Variants in MXRA5 observed in about 807,000 individuals in gnomAD.
MXRA5 encodes the protein matrix-remodeling-associated protein 5.
MXRA5 carries 41 observed loss-of-function variants against 112.5 expected under a neutral mutation model. The observed-to-expected ratio is 0.36, with a 90% CI of 0.28 to 0.47. The LOEUF (loss-of-function observed/expected upper bound fraction) is 0.47, where lower values mean the gene tolerates loss of function less well. MXRA5 is among the 20% of genes least tolerant of loss of function. The probability of loss-of-function intolerance (pLI) is 0.99; values close to 1 mark genes in which losing one functional copy is unlikely to be tolerated. For missense variants in MXRA5, 2,150 were observed against 2,251.0 expected (o/e 0.96, Z 0.91); for synonymous variants, 862 against 900.8 (o/e 0.96, Z 0.77).
chrX:3,325,278 T>A (rs1195052183), intron 4 of MXRA5, among the ~76,000 whole-genome samples: 1 of 110,966 alleles, frequency 9.0e-6, no homozygotes, highest in Non-Finnish European at 1.9e-5. Flanking sequence ...GAAAACAACT[T>A]CATTCACATA....
intron 2 of MXRA5, among the ~76,000 whole-genome samples, chrX:3,341,089 AAT>A (rs1237256941): frequency 2.1e-5 from 1 of 48,762 alleles, no homozygotes; most frequent in Admixed American, 3.4e-4. Context: ...TATTATACAT[AAT>A]ATGTTATACA....
chrX:3,317,701 T>C lies in MXRA5; in HGVS notation c.5980A>G (p.Thr1994Ala). 1 of 1,203,409 alleles carries C rather than the reference T, an allele frequency of 8.3e-7. No homozygotes were observed. Among genetic ancestry groups the C allele is most frequent in the Admixed American group, 2.2e-5 (1 of 45,693 alleles). ...ATGCGGCCCTCCACGGGGGACACAG[T>C]TTGCCACACCCTCCTGTCAGGGAAG... ...WIFPDRRVWQ[T>A]VSPVEGRITL... Residue 1994 changes from threonine (T) to alanine (A), a missense_variant, in exon 6 of 7, where the codon ACT (threonine) becomes GCT (alanine). Thr to Ala is a moderately conservative substitution (Grantham distance 58). Coordinates refer to ENST00000217939, the MANE Select transcript of MXRA5 (RefSeq NM_015419.4).
chrX:3,326,946 T>C (rs1389605404), intron 4 of MXRA5, among the ~76,000 whole-genome samples: 2 of 111,884 alleles, frequency 1.8e-5, no homozygotes, highest in Non-Finnish European at 3.8e-5. Flanking sequence ...GACATGTCTA[T>C]TTAGATAGCA....
In MXRA5 at chrX:3,310,791, A is replaced by G; in HGVS notation, c.7412T>C (p.Ile2471Thr). 8.3e-7 allele frequency: 1 copy of G among 1,208,320 alleles called. No homozygotes were observed. Among genetic ancestry groups the G allele is most frequent in the Non-Finnish European group, 1.1e-6 (1 of 894,037 alleles). ...RKLIDCKAEG[I>T]PTPRVLWAFP... ...AGCCCATAACACCCTCGGGGTGGGG[A>G]TGCCTTCAGCTTTGCAGTCAATCAG... The change falls in exon 7 of 7, where the codon ATC (isoleucine) becomes ACC (threonine). Residue 2471 changes from isoleucine (I) to threonine (T), a missense_variant. By Grantham distance (89) the Ile-to-Thr change is moderately conservative. Transcript: ENST00000217939.
intron 2 of MXRA5, among the ~76,000 whole-genome samples, chrX:3,341,145 CATATATT>C (rs1320412108): frequency 0.023 from 155 of 6,827 alleles, 6 homozygotes; most frequent in African/African-American, 0.036. Context: ...ATATATTATA[CATATATT>C]ATATATTATA....
In MXRA5 at chrX:3,323,715, T is replaced by G; in HGVS notation, c.1970A>C (p.Gln657Pro). The G allele has an allele frequency of 8.3e-7, 1 of 1,211,461 alleles. No homozygotes were observed. Among genetic ancestry groups the G allele is most frequent in the Non-Finnish European group, 1.1e-6 (1 of 895,194 alleles). ...TCCCACCGTAAAATGGTCTGCCCCT[T>G]GCTGGTTGACAGCCACACATCTGTA... ...GYYRCVAVNQ[Q>P]GADHFTVGIT... Residue 657 changes from glutamine to proline, a missense_variant, in exon 5 of 7, where the codon CAA (glutamine) becomes CCA (proline). Transcript: ENST00000217939.
Position 3,343,628 on chromosome X carries a change from G to C in MXRA5, c.188+18C>G. On this transcript the variant is annotated intron_variant, in intron 2 of 6. Coordinates refer to ENST00000217939, the MANE Select transcript of MXRA5 (RefSeq NM_015419.4). Reference sequence around the variant, plus strand: ...ACGCACTGACAGTGGGAAGGTTCGGGAAGAAAGTGGTACAAACCCCAAATT... The same window carrying C: ...ACGCACTGACAGTGGGAAGGTTCGGCAAGAAAGTGGTACAAACCCCAAATT... The C allele has an allele frequency of 8.3e-7, 1 of 1,201,278 alleles. No homozygotes were observed. The highest frequency in any genetic ancestry group is 1.8e-5 in the South Asian group (1 of 56,243).
rs749919182 is a variant in MXRA5, at chrX:3,343,550, C to T, written c.188+96G>A. On this transcript the variant is annotated intron_variant, in intron 2 of 6. Transcript: ENST00000217939. ...GACAGAGCTACACAGAGGAAATGCA[C>T]ATATGAAGTTAAGTAAATGCACATA... 3.2e-5 allele frequency: 26 copies of T among 815,775 alleles called. 1 individual carries two copies. In the South Asian group the frequency reaches 6.5e-4, roughly 20 times the overall value. 67.2% of individuals were successfully genotyped at this position (815,775 alleles called of 1,213,427 possible). A position where few individuals can be genotyped will look rare whatever the true frequency, so the allele number is the denominator to read the frequency against.
rs200929555 is a variant in MXRA5, at chrX:3,321,371, A to G, written c.4314T>C (p.Gly1438=). The change falls in exon 5 of 7, where the codon GGT becomes GGC. Residue 1438 remains glycine, a synonymous_variant. Transcript: ENST00000217939. ...VSTPFHQEEA[G]SSTTLSSIKV... The stretch of plus-strand genomic sequence containing the variant: ...TTATGCTTGAGAGAGTTGTGGAAGA[A>G]CCAGCTTCTTCCTGGTGAAATGGTG... 249 of 1,210,140 alleles carry G rather than the reference A, an allele frequency of 2.1e-4. 1 individual carries two copies. In the East Asian group the frequency reaches 5.6e-3, roughly 27 times the overall value.
chrX:3,330,032 T>A lies in MXRA5; in HGVS notation c.695A>T (p.Asp232Val). Residue 232 changes from aspartate to valine, a missense_variant, in exon 4 of 7, where the codon GAT (aspartate) becomes GTT (valine). Physicochemically the swap from Asp to Val is radical, Grantham distance 152. Transcript: ENST00000217939. ...TCTCTTCTTACCTCTGGATTTTGCATCCCATTCCAAAAACCATCTCATCTC... is the reference window on the plus strand; with the variant it reads ...TCTCTTCTTACCTCTGGATTTTGCAACCCATTCCAAAAACCATCTCATCTC... Reference protein sequence around the residue: ...DCEMRWFLEWDAKSRGILKCK... With the variant: ...DCEMRWFLEWVAKSRGILKCK... The A allele has an allele frequency of 8.3e-7, 1 of 1,210,235 alleles. No homozygotes were observed. The highest frequency in any genetic ancestry group is 1.1e-6 in the Non-Finnish European group (1 of 895,043).
intron 5 of MXRA5, among the ~76,000 whole-genome samples, chrX:3,318,668 C>T (rs190187491): frequency 1.8e-5 from 2 of 111,752 alleles, no homozygotes; most frequent in East Asian, 5.6e-4. Flanking sequence ...TATGGTCTAG[C>T]AATCCCACTA....
intron 6 of MXRA5, among the ~76,000 whole-genome samples, chrX:3,314,567 GGATGGATAGGTTAGGTAGATA>G (rs1465561476): frequency 8.9e-6 from 1 of 112,066 alleles, no homozygotes; most frequent in African/African-American, 3.2e-5. Flanking sequence ...AAGAATGAAT[GGATGGATAGGTTAGGTAGATA>G]GACATGGATG....
chrX:3,316,966 G>A lies in MXRA5; in HGVS notation c.6578+137C>T, dbSNP rs1921152235. On this transcript the variant is annotated intron_variant, in intron 6 of 6. Coordinates refer to ENST00000217939, the MANE Select transcript of MXRA5 (RefSeq NM_015419.4). Reference sequence around the variant, plus strand: ...GCTGGGATTACAGGCGTGAGCCACCGTGCCCTGCTAATTAATTTCATTTAA... The same window carrying A: ...GCTGGGATTACAGGCGTGAGCCACCATGCCCTGCTAATTAATTTCATTTAA... The A allele has an allele frequency of 6.6e-6, 5 of 756,593 alleles. No individual in the cohort carries two copies. The East Asian group carries it at 1.5e-4, about 22-fold the overall frequency. 62.4% of individuals were successfully genotyped at this position (756,593 alleles called of 1,213,427 possible).
chrX:3,317,308 C>T lies in MXRA5; in HGVS notation c.6373G>A (p.Ala2125Thr). 1.7e-6 allele frequency: 2 copies of T among 1,204,019 alleles called. No homozygotes were observed. The highest frequency in any genetic ancestry group is 2.4e-4 in the Middle Eastern group (1 of 4,241). Residue 2125 changes from alanine to threonine, a missense_variant, in exon 6 of 7, where the codon GCC becomes ACC. Ala to Thr is a moderately conservative substitution (Grantham distance 58). Transcript: ENST00000217939. ...CTGCGCGCGGAGCCTACCAGGTTGG[C>T]GGCCACGCACTCATAGCGCCCGCTG... is the stretch of plus-strand genomic sequence containing the variant. ...KDSGRYECVA[A>T]NLVGSARRTV...
intron 5 of MXRA5, 87 bp from the exon 6 acceptor site, chrX:3,318,090 C>T (rs771415985): frequency 5.9e-5 from 46 of 778,799 alleles, no homozygotes; most frequent in South Asian, 6.7e-5. Context: ...ATCTAATTCT[C>T]CACTTTAACA....
chrX:3,320,836 C>T lies in MXRA5; in HGVS notation c.4849G>A (p.Ala1617Thr). 1 of 1,211,790 alleles carries T rather than the reference C, an allele frequency of 8.3e-7. No homozygotes were observed. The highest frequency in any genetic ancestry group is 1.7e-5 in the African/African-American group (1 of 57,790). The change falls in exon 5 of 7, where the codon GCA (alanine) becomes ACA (threonine). Residue 1617 changes from alanine (A) to threonine (T), a missense_variant. By Grantham distance (58) the Ala-to-Thr change is moderately conservative. This residue lies in a region of MXRA5 where 1,485 missense variants were observed against 1,471.6 expected (regional missense o/e 1.01). Transcript: ENST00000217939. ...GACATTTCAGGCAGCCTCACTGTTG[C>T]TGTTGGTAGGATGGGTTTGGCAGGG... ...RVPAKPILPT[A>T]TVRLPEMSTQ...
rs1262870159 is a variant in MXRA5 at position 3,323,596 on chromosome X, C to T, written c.2089G>A (p.Glu697Lys). The change falls in exon 5 of 7, where the codon GAG becomes AAG. Residue 697 changes from glutamate (E) to lysine (K), a missense_variant. Glu to Lys is a moderately conservative substitution (Grantham distance 56). This residue lies in a region of MXRA5 where 1,485 missense variants were observed against 1,471.6 expected (regional missense o/e 1.01). Transcript: ENST00000217939. ...ALSRVREDIVEDEGGSGMGDE... is the reference protein window; with the variant it reads ...ALSRVREDIVKDEGGSGMGDE... Reference sequence around the variant, plus strand: ...CCCATGCCCGAGCCCCCTTCATCCTCCACGATGTCTTCTCTGACTCTGGAA... The same window carrying T: ...CCCATGCCCGAGCCCCCTTCATCCTTCACGATGTCTTCTCTGACTCTGGAA... The T allele has an allele frequency of 6.6e-6, 8 of 1,211,102 alleles. No homozygotes were observed. The highest frequency in any genetic ancestry group is 8.9e-6 in the Non-Finnish European group (8 of 895,119).
rs386416494 is a variant in MXRA5, at chrX:3,333,302, C to CAAAAAAAAAAAAAAAAAAAA, written c.189-2549_189-2530dup. ...TGGGCAACAGAGCAATACCCCATAT[C>CAAAAAAAAAAAAAAAAAAAA]AAAAAAAAAAAAAAAAAAAAAAAAA... On this transcript the variant is annotated intron_variant, in intron 2 of 6. Coordinates refer to ENST00000217939, the MANE Select transcript of MXRA5 (RefSeq NM_015419.4). Among the ~76,000 whole-genome samples the CAAAAAAAAAAAAAAAAAAAA allele has an allele frequency of 2.7e-4, 4 of 14,812 alleles. 1 individual carries two copies. Among genetic ancestry groups the CAAAAAAAAAAAAAAAAAAAA allele is most frequent in the African/African-American group, 3.2e-4 (1 of 3,126 alleles). 12.9% of individuals were successfully genotyped at this position (14,812 alleles called of 115,157 possible).
At position 3,324,095 on chromosome X, in the gene MXRA5, G is replaced by A. The variant is rs1374848525; in HGVS notation, c.1590C>T (p.Ser530=). 8.3e-7 allele frequency: 1 copy of A among 1,207,653 alleles called. No individual in the cohort carries two copies. The highest frequency in any genetic ancestry group is 1.1e-6 in the Non-Finnish European group (1 of 894,230). The change falls in exon 5 of 7, where the codon AGC becomes AGT. Residue 530 remains serine (S), a synonymous_variant. Coordinates refer to ENST00000217939, the MANE Select transcript of MXRA5 (RefSeq NM_015419.4). ...ILKAPMDDPD[S]KFSILSSGWL... ...AGCCACTGCTGAGAATGGAGAACTTGCTGTCTGGGTCATCCATGGGCGCTT... is the reference window on the plus strand; with the variant it reads ...AGCCACTGCTGAGAATGGAGAACTTACTGTCTGGGTCATCCATGGGCGCTT...
Sources: allele counts gnomAD v4.1 joint callset (sites outside exome capture counted in the v4.1 genomes callset), GRCh38; gene constraint gnomAD v4.1.1; regional missense constraint gnomAD v4.1.1; transcripts MANE v1.5; gene names NCBI Gene and HGNC (gene_info 2026-07-23, HGNC 2026-07-21).